Variants in FBXO10 observed in about 807,000 individuals in gnomAD.
The protein encoded by FBXO10 is F-box only protein 10.
FBXO10 carries 39 observed loss-of-function variants against 80.7 expected under a neutral mutation model. The ratio of observed to expected loss-of-function variants is 0.48; its 90% confidence interval spans 0.37 to 0.63. The LOEUF (loss-of-function observed/expected upper bound fraction) is 0.63. Among genes scored for constraint, FBXO10 ranks in the 30% least tolerant of loss-of-function variants. The probability of loss-of-function intolerance (pLI) is 0.00; values close to 1 mark genes in which losing one functional copy is unlikely to be tolerated. For synonymous variants in FBXO10, 449 were observed against 489.6 expected, an observed-to-expected ratio of 0.92 and a Z score of 1.09; for missense variants, 1,025 against 1,269.0, an observed-to-expected ratio of 0.81 and a Z score of 2.92.
chr9:37,560,844 A>T (rs958912337), intron 1 of FBXO10, among the ~76,000 whole-genome samples: 3 of 152,084 alleles, frequency 2.0e-5, no homozygotes, highest in Non-Finnish European at 4.4e-5. Flanking sequence ...TTTTTTGATT[A>T]AAAAAACTTT....
chr9:37,565,347 G>A (rs1822576964), intron 1 of FBXO10, among the ~76,000 whole-genome samples: 1 of 152,186 alleles, frequency 6.6e-6, no homozygotes, highest in Admixed American at 6.5e-5. Context: ...ACAAAAATGT[G>A]ACCTCCAGCT....
intron 5 of FBXO10, among the ~76,000 whole-genome samples, chr9:37,527,991 A>G (rs957171288): frequency 1.3e-5 from 2 of 152,216 alleles, no homozygotes; most frequent in Non-Finnish European, 2.9e-5. Flanking sequence ...AACTTTCCAA[A>G]GTGATGAATG....
intron 1 of FBXO10, among the ~76,000 whole-genome samples, chr9:37,555,709 A>T (rs10973412): frequency 0.37 from 56,169 of 151,490 alleles, 10,800 homozygotes; most frequent in African/African-American, 0.48. Context: ...TGTTTTTTTT[A>T]ATATATATTT....
chr9:37,550,615 G>A (rs1448956756), intron 1 of FBXO10, among the ~76,000 whole-genome samples: 3 of 151,676 alleles, frequency 2.0e-5, no homozygotes, highest in African/African-American at 7.3e-5. Context: ...AAGTTGCTGG[G>A]ACTACAGGCC....
chr9:37,539,905 G>C (rs188260106), intron 2 of FBXO10, among the ~76,000 whole-genome samples: 1 of 152,270 alleles, frequency 6.6e-6, no homozygotes, highest in African/African-American at 2.4e-5. Flanking sequence ...GGGGTCCAAT[G>C]AGGTCACAGA....
At chr9:37,518,965 G>A (rs566582420) in intron 8 of FBXO10, among the ~76,000 whole-genome samples, 12 of 150,906 alleles carry the variant, frequency 8.0e-5, no homozygotes, top group South Asian at 6.2e-4. Flanking sequence ...GTTGGAGTGC[G>A]GTGGCGCCAT....
At position 37,521,808 on chromosome 9, in the gene FBXO10, G is replaced by C. The variant is rs1324394574; in HGVS notation, c.1961C>G (p.Ser654Trp). Residue 654 changes from serine (S) to tryptophan (W), a missense_variant, in exon 8 of 11, where the codon TCG becomes TGG. Ser to Trp is a radical substitution (Grantham distance 177, BLOSUM62 -3). Around this residue, in one of 3 missense-constraint regions of FBXO10, gnomAD observed 478 missense variants for 667.8 expected, o/e 0.72. Coordinates refer to ENST00000432825, the MANE Select transcript of FBXO10 (RefSeq NM_012166.3). ...ANKGCGVWMM[S>W]SSLPHVTSNH... ...GCTGGTGACATGGGGGAGGCTGGACGACATCATCCACACACCACAGCCCTT... is the reference window on the plus strand; with the variant it reads ...GCTGGTGACATGGGGGAGGCTGGACCACATCATCCACACACCACAGCCCTT... 4 of 1,601,322 alleles carry C rather than the reference G, an allele frequency of 2.5e-6. No homozygotes were observed. The Admixed American group carries it at 6.7e-5, about 27-fold the overall frequency.
At position 37,511,009 on chromosome 9, in the gene FBXO10, T is replaced by C. The variant is rs563359534; in HGVS notation, c.*1538A>G. 2.6e-5 allele frequency: 4 copies of C among 152,800 alleles called. No individual in the cohort carries two copies. The highest frequency in any genetic ancestry group is 3.9e-4 in the East Asian group (2 of 5,188). The allele number at this position is 152,800 out of a possible 1,614,324, so 9.5% of individuals were successfully genotyped here. A position where few individuals can be genotyped will look rare whatever the true frequency, so the allele number is the denominator to read the frequency against. Reference sequence around the variant, plus strand: ...GCAGCATTTTTTACAGCGACTCACATTGGGGCCACCAAACAAGTGCAAAGG... The same window carrying C: ...GCAGCATTTTTTACAGCGACTCACACTGGGGCCACCAAACAAGTGCAAAGG... On this transcript the variant is annotated 3_prime_UTR_variant, in exon 11 of 11. Transcript: ENST00000432825.
chr9:37,571,105 C>T (rs1268739236), intron 1 of FBXO10, among the ~76,000 whole-genome samples: 1 of 151,830 alleles, frequency 6.6e-6, no homozygotes, highest in Non-Finnish European at 1.5e-5. Flanking sequence ...ACCCTAGAAC[C>T]ATTAAAGACA....
intron 3 of FBXO10, among the ~76,000 whole-genome samples, chr9:37,534,875 G>A (rs1463671040): frequency 2.0e-5 from 3 of 152,180 alleles, no homozygotes; most frequent in Non-Finnish European, 4.4e-5. Flanking sequence ...CAGATCATCA[G>A]AGGTCCCCTA....
At chr9:37,528,095 A>C (rs751967767) in intron 5 of FBXO10, among the ~76,000 whole-genome samples, 2 of 152,188 alleles carry the variant, frequency 1.3e-5, no homozygotes, top group Admixed American at 6.5e-5. Context: ...CATTAATGCC[A>C]GCTATTCTCC....
At position 37,518,414 on chromosome 9, in the gene FBXO10, C is replaced by T; in HGVS notation, c.2225G>A (p.Ser742Asn). The change falls in exon 9 of 11, where the codon AGC becomes AAC. Residue 742 changes from serine to asparagine, a missense_variant. Around this residue, in one of 3 missense-constraint regions of FBXO10, gnomAD observed 478 missense variants for 667.8 expected, o/e 0.72. Coordinates refer to ENST00000432825, the MANE Select transcript of FBXO10 (RefSeq NM_012166.3). ...ATTGGTGATGACATGCAGTGCCTCG[C>T]TGCTCTGGACATAGAGTCCTGAGGC... is the stretch of plus-strand genomic sequence containing the variant. ...NGASGLYVQS[S>N]EALHVITNVI... 1 of 1,606,126 alleles carries T rather than the reference C, an allele frequency of 6.2e-7. No homozygotes were observed. Among genetic ancestry groups the T allele is most frequent in the Non-Finnish European group, 8.5e-7 (1 of 1,175,196 alleles).
In FBXO10 at chr9:37,511,214, A is replaced by G. The variant is rs749647716; in HGVS notation, c.*1333T>C. The G allele has an allele frequency of 6.6e-6, 1 of 150,594 alleles. No individual in the cohort carries two copies. Among genetic ancestry groups the G allele is most frequent in the African/African-American group, 2.4e-5 (1 of 41,072 alleles). The allele number at this position is 150,594 out of a possible 1,614,324, so 9.3% of individuals were successfully genotyped here. ...ACCCCAGCAGGCTGGTGAAGGCCCC[A>G]CAGGAAAGGCCGAGTGGGAGGGGAT... On this transcript the variant is annotated 3_prime_UTR_variant, in exon 11 of 11. Coordinates refer to ENST00000432825, the MANE Select transcript of FBXO10 (RefSeq NM_012166.3).
intron 1 of FBXO10, among the ~76,000 whole-genome samples, chr9:37,562,088 A>C (rs1822497861): frequency 6.6e-6 from 1 of 152,158 alleles, no homozygotes; most frequent in Non-Finnish European, 1.5e-5. Flanking sequence ...CACTGGAAGG[A>C]AGGCTGCTGC....
At chr9:37,514,749 G>A (rs924559082) in intron 10 of FBXO10, among the ~76,000 whole-genome samples, 10 of 152,060 alleles carry the variant, frequency 6.6e-5, no homozygotes, top group South Asian at 4.1e-4. Context: ...CAGGAGGATC[G>A]CTTGAATCTG....
At chr9:37,575,247 G>A (rs1208167944) in intron 1 of FBXO10, among the ~76,000 whole-genome samples, 1 of 152,030 alleles carries the variant, frequency 6.6e-6, no homozygotes, top group Non-Finnish European at 1.5e-5. Context: ...TCATATGGTA[G>A]GAACAACAGG....
chr9:37,534,493 G>A (rs115451615), intron 3 of FBXO10, among the ~76,000 whole-genome samples: 1,751 of 152,302 alleles, frequency 0.011, 41 homozygotes, highest in African/African-American at 0.04. Context: ...CCAAGGAGAC[G>A]AGGCCTGAGC....
At chr9:37,569,321 A>G (rs115957327) in intron 1 of FBXO10, among the ~76,000 whole-genome samples, 2,156 of 151,810 alleles carry the variant, frequency 0.014, 60 homozygotes, top group African/African-American at 0.049. Context: ...GTGAATTAAG[A>G]ATTAAGAATT....
At position 37,537,477 on chromosome 9, in the gene FBXO10, G is replaced by C; in HGVS notation, c.1052C>G (p.Pro351Arg). ...GSDGERVAQTPDSSDGGLSPS... is the reference protein window; with the variant it reads ...GSDGERVAQTRDSSDGGLSPS... ...ACTCAGGCCTCCATCGCTGCTGTCC[G>C]GGGTCTGGGCCACCCTTTCACCATC... The change falls in exon 3 of 11, where the codon CCG (proline) becomes CGG (arginine). Residue 351 changes from proline to arginine, a missense_variant. Physicochemically the swap from Pro to Arg is moderately radical, Grantham distance 103 (BLOSUM62 -2). This residue lies in a region of FBXO10 where 450 missense variants were observed against 499.4 expected (regional missense o/e 0.90). Transcript: ENST00000432825. The C allele has an allele frequency of 1.9e-6, 3 of 1,608,218 alleles. No individual in the cohort carries two copies. The highest frequency in any genetic ancestry group is 2.5e-6 in the Non-Finnish European group (3 of 1,177,364).
Sources: allele counts gnomAD v4.1 joint callset (sites outside exome capture counted in the v4.1 genomes callset), GRCh38; gene constraint gnomAD v4.1.1; regional missense constraint gnomAD v4.1.1; transcripts MANE v1.5; gene names NCBI Gene and HGNC (gene_info 2026-07-23, HGNC 2026-07-21).